LRRC9: variants seen among roughly 807,000 people sequenced by gnomAD.
The protein encoded by LRRC9 is leucine-rich repeat-containing protein 9.
A neutral mutation model predicts 63.2 loss-of-function variants in LRRC9; 122 were observed. That is an observed-to-expected ratio of 1.93 (90% confidence interval 1.67 to 2.24). The LOEUF (loss-of-function observed/expected upper bound fraction) is 2.24. Among genes scored for constraint, LRRC9 ranks in the 30% most tolerant of loss-of-function variants. LRRC9 has a pLI of 0.00. For synonymous variants in LRRC9, 366 were observed against 213.1 expected, an observed-to-expected ratio of 1.72 and a Z score of -6.25; for missense variants, 1,071 against 627.7, an observed-to-expected ratio of 1.71 and a Z score of -7.55.
At chr14:59,992,599 C>T (rs1888273853) in intron 17 of LRRC9, among the ~76,000 whole-genome samples, 1 of 152,078 alleles carries the variant, frequency 6.6e-6, no homozygotes, top group African/African-American at 2.4e-5. Flanking sequence ...ATAACCAATG[C>T]AGAGAAGTCC....
At chr14:59,933,075 T>C (rs147141518) in intron 6 of LRRC9, among the ~76,000 whole-genome samples, 2 of 152,322 alleles carry the variant, frequency 1.3e-5, no homozygotes, top group East Asian at 1.9e-4. Context: ...TTATGGCCTT[T>C]GCACTTGCTG....
intron 29 of LRRC9, among the ~76,000 whole-genome samples, chr14:60,047,384 A>C (rs1893523924): frequency 6.6e-6 from 1 of 152,118 alleles, no homozygotes. Flanking sequence ...TGAAAGACCC[A>C]TCAGTATGCT....
At chr14:60,021,190 T>C (rs1274933852) in intron 26 of LRRC9, among the ~76,000 whole-genome samples, 1 of 151,940 alleles carries the variant, frequency 6.6e-6, no homozygotes, top group East Asian at 1.9e-4. Context: ...GCCATTCTAA[T>C]ACATTTGAAG....
chr14:60,011,633 A>G (rs219383), intron 23 of LRRC9, among the ~76,000 whole-genome samples: 152,058 of 152,334 alleles, frequency 1, 75,891 homozygotes, highest in Middle Eastern at 1. Context: ...TTTGTGGAAT[A>G]AGGCAGAATA....
At chr14:59,969,511 T>C (rs1594897812) in intron 12 of LRRC9, 1 of 152,340 alleles carries the variant, frequency 6.6e-6, no homozygotes, top group Admixed American at 6.5e-5. Context: ...ATGTTCCGCA[T>C]TGTTTAAGAG....
chr14:59,991,502 C>G (rs1300127472), intron 17 of LRRC9, among the ~76,000 whole-genome samples: 2 of 152,078 alleles, frequency 1.3e-5, no homozygotes, highest in East Asian at 3.9e-4. Flanking sequence ...CGAGCGTGAG[C>G]CGAAGCATGG....
At chr14:59,992,584 C>T (rs1888271518) in intron 17 of LRRC9, among the ~76,000 whole-genome samples, 1 of 152,078 alleles carries the variant, frequency 6.6e-6, no homozygotes, top group Admixed American at 6.6e-5. Flanking sequence ...GAATGGCTAA[C>T]TAGAATAACC....
chr14:59,981,514 G>T (rs2140099877), intron 15 of LRRC9, among the ~76,000 whole-genome samples: 1 of 152,252 alleles, frequency 6.6e-6, no homozygotes, highest in Non-Finnish European at 1.5e-5. Context: ...TTAGCCAGAG[G>T]TTACATTTCT....
At chr14:60,018,156 C>A (rs1266866891) in intron 24 of LRRC9, among the ~76,000 whole-genome samples, 4 of 151,724 alleles carry the variant, frequency 2.6e-5, no homozygotes, top group South Asian at 2.1e-4. Flanking sequence ...TGAAAGCAAC[C>A]AAATTCTATG....
At chr14:60,049,928 A>G (rs975174869) in intron 29 of LRRC9, among the ~76,000 whole-genome samples, 2 of 152,112 alleles carry the variant, frequency 1.3e-5, no homozygotes, top group East Asian at 3.9e-4. Context: ...ATATAATCCC[A>G]TATTTCTGGG....
At position 59,942,778 on chromosome 14, in the gene LRRC9, CT is replaced by C. The variant is rs964320760; in HGVS notation, c.727-1801del. ...CATCCTCGCCAGCATCTCTCTCTCTCTTTTTTTTTTCTGTCTTTTTGATAAT... is the reference window on the plus strand; with the variant it reads ...CATCCTCGCCAGCATCTCTCTCTCTCTTTTTTTTTCTGTCTTTTTGATAAT... On this transcript the variant is annotated intron_variant, in intron 7 of 31. Coordinates refer to ENST00000445360, the Ensembl canonical transcript of LRRC9. The surrounding 1 kb of genome is among the most constrained non-coding windows in gnomAD (Gnocchi z 5.3). 3.4e-5 allele frequency among the ~76,000 whole-genome samples: 5 copies of C among 148,292 alleles called. No individual in the cohort carries two copies. Among genetic ancestry groups the C allele is most frequent in the South Asian group, 2.1e-4 (1 of 4,722 alleles).
At chr14:59,973,639 T>A (rs1885781195) in intron 12 of LRRC9, 1 of 152,138 alleles carries the variant, frequency 6.6e-6, no homozygotes, top group Non-Finnish European at 1.5e-5. Flanking sequence ...ATTTAAATAG[T>A]TGTTATACTG....
At position 60,042,047 on chromosome 14, in the gene LRRC9, G is replaced by A. The variant is rs543198908; in HGVS notation, c.3990+9984G>A. Among the ~76,000 whole-genome samples, 25 of 152,324 alleles carry A rather than the reference G, an allele frequency of 1.6e-4. No homozygotes were observed. Among genetic ancestry groups the A allele is most frequent in the East Asian group, 9.6e-4 (5 of 5,184 alleles). On this transcript the variant is annotated intron_variant, in intron 29 of 31. Coordinates refer to ENST00000445360, the Ensembl canonical transcript of LRRC9. The surrounding 1 kb of genome is among the most constrained non-coding windows in gnomAD (Gnocchi z 4.2). ...CCCTGTTTGCCTGGGTATCACCAGC[G>A]GAGGCTGCAGAACAGCAAAGATTGC...
intron 29 of LRRC9, among the ~76,000 whole-genome samples, chr14:60,046,216 T>C (rs1893412615): frequency 1.3e-5 from 2 of 152,240 alleles, no homozygotes; most frequent in Non-Finnish European, 1.5e-5. Context: ...TCCCATTCTG[T>C]AGGTTGCCTG....
chr14:59,974,936 A>G (rs1885954806), intron 13 of LRRC9, among the ~76,000 whole-genome samples: 2 of 150,172 alleles, frequency 1.3e-5, no homozygotes, highest in South Asian at 4.2e-4. Flanking sequence ...TAAGAGGAAC[A>G]TTTGTTACTC....
In LRRC9 at chr14:59,922,837, A is replaced by G. The variant is rs1888899384; in HGVS notation, c.-34+2954A>G. 6.6e-6 allele frequency among the ~76,000 whole-genome samples: 1 copy of G among 152,222 alleles called. No individual in the cohort carries two copies. The highest frequency in any genetic ancestry group is 1.5e-5 in the Non-Finnish European group (1 of 68,044). ...CTCCTAGGAGAGGAAATTGAGGAAA[A>G]TATAAAACATTTGTTGCTGAAGATC... On this transcript the variant is annotated intron_variant, in intron 1 of 31. Transcript: ENST00000445360. The surrounding 1 kb of genome is among the most constrained non-coding windows in gnomAD (Gnocchi z 5.3).
intron 12 of LRRC9, among the ~76,000 whole-genome samples, chr14:59,970,733 T>C (rs1421661979): frequency 6.6e-6 from 1 of 152,228 alleles, no homozygotes; most frequent in African/African-American, 2.4e-5. Flanking sequence ...ATGTCTTCTT[T>C]TGCAAAGTGT....
At chr14:59,994,784 CCTCA>C in intron 17 of LRRC9, among the ~76,000 whole-genome samples, 1 of 151,928 alleles carries the variant, frequency 6.6e-6, no homozygotes, top group Middle Eastern at 3.4e-3. Context: ...TACCTCATGT[CCTCA>C]CTCACAAGTG....
exon 25 of LRRC9, chr14:60,018,468 C>T: frequency 1.4e-6 from 1 of 695,706 alleles, no homozygotes; most frequent in Non-Finnish European, 2.6e-6. Context: ...AATCTATCTA[C>T]CTAATGTGAA....
Sources: gnomAD v4.1 joint callset for allele counts (sites outside exome capture counted in the v4.1 genomes callset) on GRCh38, gnomAD v4.1.1 for gene constraint, Gnocchi (gnomAD v3.1) non-coding constraint, MANE v1.5 for transcripts, NCBI Gene and HGNC (gene_info 2026-07-23, HGNC 2026-07-21) for gene names.